Variants in MAP4K3 observed in about 807,000 individuals in gnomAD.
The protein encoded by MAP4K3 is mitogen-activated protein kinase kinase kinase kinase 3, also known as MAPK/ERK kinase kinase kinase 3.
MAP4K3 carries 94 observed loss-of-function variants against 143.5 expected under a neutral mutation model. The ratio of observed to expected loss-of-function variants is 0.65; its 90% confidence interval spans 0.55 to 0.78. The LOEUF (loss-of-function observed/expected upper bound fraction) is 0.78. Ranked by LOEUF, MAP4K3 falls within the 30% of genes least tolerant of loss-of-function variation. The pLI, the probability that MAP4K3 is intolerant of heterozygous loss-of-function variation, is 0.00. For missense variants in MAP4K3, 1,077 were observed against 1,068.1 expected (o/e 1.01, Z -0.12); for synonymous variants, 416 against 347.2 (o/e 1.20, Z -2.20).
Position 39,326,153 on chromosome 2 carries a change from G to C in MAP4K3, c.655C>G (p.Pro219Ala), listed in dbSNP as rs375531661. 34 of 1,613,242 alleles carry C rather than the reference G, an allele frequency of 2.1e-5. No homozygotes were observed. Among genetic ancestry groups the C allele is most frequent in the Non-Finnish European group, 2.9e-5 (34 of 1,179,676 alleles). Reference protein sequence around the residue: ...ELQPPMFDLHPMRALFLMTKS... With the variant: ...ELQPPMFDLHAMRALFLMTKS... ...CAATGATGATGCACTGACCTCATTG[G>C]GTGTAAGTCAAACATAGGAGGCTGA... Residue 219 changes from proline to alanine, a missense_variant, in exon 9 of 34, where the codon CCA becomes GCA. Transcript: ENST00000263881.
chr2:39,397,158 GAT>G (rs1487696294), intron 1 of MAP4K3, among the ~76,000 whole-genome samples: 1 of 152,008 alleles, frequency 6.6e-6, no homozygotes, highest in African/African-American at 2.4e-5. Context: ...AGTAAAAATG[GAT>G]AGTGTAATGT....
At chr2:39,334,761 G>A (rs1477310834) in intron 6 of MAP4K3, among the ~76,000 whole-genome samples, 1 of 152,120 alleles carries the variant, frequency 6.6e-6, no homozygotes, top group Non-Finnish European at 1.5e-5. Flanking sequence ...TTTAAGCTCT[G>A]GGGTTACAAT....
chr2:39,368,679 AG>A (rs1665992332), intron 2 of MAP4K3, among the ~76,000 whole-genome samples: 1 of 152,078 alleles, frequency 6.6e-6, no homozygotes, highest in Non-Finnish European at 1.5e-5. Context: ...TAAAAGAAAA[AG>A]AAAAAAAAAA....
rs570853243 is a variant in MAP4K3, at chr2:39,337,752, G to GTTTTTTTTTT, written c.311-181_311-172dup. Among the ~76,000 whole-genome samples, 101 of 70,516 alleles carry GTTTTTTTTTT rather than the reference G, an allele frequency of 1.4e-3. 13 individuals carry two copies. The highest frequency in any genetic ancestry group is 4.2e-3 in the East Asian group (8 of 1,916). The allele number at this position is 70,516 out of a possible 152,430, so 46.3% of individuals were successfully genotyped here. A position where few individuals can be genotyped will look rare whatever the true frequency, so the allele number is the denominator to read the frequency against. On this transcript the variant is annotated intron_variant, in intron 4 of 33. Coordinates refer to ENST00000263881, the MANE Select transcript of MAP4K3 (RefSeq NM_003618.4). Reference sequence around the variant, plus strand: ...TACTGTCCTACTGTGCCTGGCTCCAGTTTTTTTTTTTTTTTTTTTTTTTTT... The same window carrying GTTTTTTTTTT: ...TACTGTCCTACTGTGCCTGGCTCCAGTTTTTTTTTTTTTTTTTTTTTTTTTTTTTTTTTTT...
chr2:39,399,162 T>C (rs1405789961), intron 1 of MAP4K3, among the ~76,000 whole-genome samples: 1 of 152,144 alleles, frequency 6.6e-6, no homozygotes, highest in East Asian at 1.9e-4. Flanking sequence ...GAACGTACTA[T>C]GCTTTGAAAA....
intron 1 of MAP4K3, among the ~76,000 whole-genome samples, chr2:39,385,882 T>C (rs991122624): frequency 6.6e-5 from 10 of 152,126 alleles, no homozygotes; most frequent in African/African-American, 2.2e-4. Context: ...TCCACCCGTC[T>C]TGGCCTCCCA....
At chr2:39,293,375 CTT>C (rs1359237471) in intron 16 of MAP4K3, 107 bp from the exon 17 acceptor site, 1 of 740,506 alleles carries the variant, frequency 1.4e-6, no homozygotes, top group African/African-American at 1.8e-5. Flanking sequence ...TGAATGATTA[CTT>C]TTTTACCATT....
At position 39,396,994 on chromosome 2, in the gene MAP4K3, T is replaced by A. The variant is rs535763541; in HGVS notation, c.97-18871A>T. On this transcript the variant is annotated intron_variant, in intron 1 of 33. Coordinates refer to ENST00000263881, the MANE Select transcript of MAP4K3 (RefSeq NM_003618.4). ...TGACTATTACTGGACTTAGCTAAGT[T>A]GTAACACATACCAATAAGTGGCTGG... 2.8e-3 allele frequency among the ~76,000 whole-genome samples: 426 copies of A among 152,328 alleles called. 1 individual carries two copies. Among genetic ancestry groups the A allele is most frequent in the African/African-American group, 9.5e-3 (397 of 41,572 alleles).
chr2:39,270,778 GA>G (rs1680984351), intron 26 of MAP4K3, among the ~76,000 whole-genome samples: 1 of 152,148 alleles, frequency 6.6e-6, no homozygotes, highest in Admixed American at 6.5e-5. Flanking sequence ...ACACTCAGTA[GA>G]GGTTTAAGTT....
chr2:39,335,738 A>C (rs1664928999), intron 6 of MAP4K3, among the ~76,000 whole-genome samples: 1 of 152,122 alleles, frequency 6.6e-6, no homozygotes. Context: ...TGAACTCCAA[A>C]AGCTCTTTAT....
At chr2:39,332,572 T>C (rs1683716296) in intron 7 of MAP4K3, among the ~76,000 whole-genome samples, 1 of 152,062 alleles carries the variant, frequency 6.6e-6, no homozygotes, top group Non-Finnish European at 1.5e-5. Context: ...TAATATTTTC[T>C]AGTTTACTAA....
intron 1 of MAP4K3, among the ~76,000 whole-genome samples, chr2:39,382,765 C>T (rs1666386428): frequency 6.6e-6 from 1 of 152,174 alleles, no homozygotes; most frequent in Admixed American, 6.5e-5. Context: ...TGAGGTACTG[C>T]TGATACACAG....
intron 3 of MAP4K3, among the ~76,000 whole-genome samples, chr2:39,353,257 A>C (rs1321390332): frequency 6.6e-6 from 1 of 152,214 alleles, no homozygotes; most frequent in Non-Finnish European, 1.5e-5. Flanking sequence ...CTACAAGTCT[A>C]ATCATTAGGA....
In MAP4K3 at chr2:39,272,537, G is replaced by C. The variant is rs200427628; in HGVS notation, c.1800C>G (p.Phe600Leu). 1 of 1,612,548 alleles carries C rather than the reference G, an allele frequency of 6.2e-7. No homozygotes were observed. The highest frequency in any genetic ancestry group is 1.1e-5 in the South Asian group (1 of 90,884). ...CATACAACCATGTACACCTTCGAGG[G>C]AATAGCTGATTAAAAAAAGGCACAA... Reference protein sequence around the residue: ...ELHETSMEQLFPRRCTWLYVM... With the variant: ...ELHETSMEQLLPRRCTWLYVM... Residue 600 changes from phenylalanine to leucine, a missense_variant, in exon 25 of 34, where the codon TTC (phenylalanine) becomes TTG (leucine). By Grantham distance (22) the Phe-to-Leu change is conservative. This residue lies in a region of MAP4K3 where 864 missense variants were observed against 801.2 expected (regional missense o/e 1.08). Coordinates refer to ENST00000263881, the MANE Select transcript of MAP4K3 (RefSeq NM_003618.4).
At chr2:39,406,698 C>T (rs1667100600) in intron 1 of MAP4K3, among the ~76,000 whole-genome samples, 4 of 152,042 alleles carry the variant, frequency 2.6e-5, no homozygotes. Flanking sequence ...ATTTCATTAA[C>T]ACCAGACCTG....
At position 39,258,563 on chromosome 2, in the gene MAP4K3, T is replaced by C. The variant is rs1183738655; in HGVS notation, c.2333A>G (p.His778Arg). The change falls in exon 30 of 34, where the codon CAT becomes CGT. Residue 778 changes from histidine to arginine, a missense_variant. Transcript: ENST00000263881. The stretch of plus-strand genomic sequence containing the variant: ...GGTATCTCTCTCCAGTTGGGTTACA[T>C]GAGTAACATTTGTCTGTGGGGTATC... Reference protein sequence around the residue: ...ESDTPQTNVTHVTQLERDTIL... With the variant: ...ESDTPQTNVTRVTQLERDTIL... The C allele has an allele frequency of 1.2e-6, 2 of 1,613,688 alleles. No homozygotes were observed. Among genetic ancestry groups the C allele is most frequent in the Middle Eastern group, 1.7e-4 (1 of 6,060 alleles).
chr2:39,359,303 C>T (rs551502485), intron 2 of MAP4K3, among the ~76,000 whole-genome samples: 81 of 152,242 alleles, frequency 5.3e-4, no homozygotes, highest in Non-Finnish European at 9.4e-4. Flanking sequence ...TCCAAAATGA[C>T]CTCTTTTGAC....
chr2:39,252,935 G>T (rs762363783), intron 32 of MAP4K3, among the ~76,000 whole-genome samples: 25 of 152,198 alleles, frequency 1.6e-4, no homozygotes, highest in Non-Finnish European at 5.9e-5. Flanking sequence ...GGCTGCCTGT[G>T]TAGTTCTCAG....
intron 1 of MAP4K3, among the ~76,000 whole-genome samples, chr2:39,407,940 A>G (rs185069160): frequency 1.3e-5 from 2 of 152,112 alleles, no homozygotes; most frequent in African/African-American, 4.8e-5. Flanking sequence ...ACAAGATATT[A>G]GTAAAGAAGA....
Sources: allele counts gnomAD v4.1 joint callset (sites outside exome capture counted in the v4.1 genomes callset), GRCh38; gene constraint gnomAD v4.1.1; regional missense constraint gnomAD v4.1.1; transcripts MANE v1.5; gene names NCBI Gene and HGNC (gene_info 2026-07-23, HGNC 2026-07-21).